LRRC4B: variants seen among roughly 807,000 people sequenced by gnomAD.
LRRC4B encodes leucine rich repeat containing 4B.
A neutral mutation model predicts 7.3 loss-of-function variants in LRRC4B; 1 was observed. The observed-to-expected ratio is 0.14, with a 90% CI of 0.05 to 0.65. The LOEUF (loss-of-function observed/expected upper bound fraction) is 0.65. Among genes scored for constraint, LRRC4B ranks in the 30% least tolerant of loss-of-function variants. LRRC4B has a pLI of 0.84. For missense variants in LRRC4B, 730 were observed against 1,041.6 expected, an observed-to-expected ratio of 0.70 and a Z score of 4.12; for synonymous variants, 500 against 499.2, an observed-to-expected ratio of 1.00 and a Z score of -0.02.
intron 1 of LRRC4B, among the ~76,000 whole-genome samples, chr19:50,564,885 C>T (rs1047807082): frequency 3.3e-5 from 5 of 151,588 alleles, no homozygotes; most frequent in Admixed American, 1.3e-4. Flanking sequence ...ACCCCCGCCC[C>T]CAATCCCCAA....
At chr19:50,527,036 A>ATT (rs35428517) in intron 2 of LRRC4B, among the ~76,000 whole-genome samples, 1 of 117,396 alleles carries the variant, frequency 8.5e-6, no homozygotes. Context: ...GTATTTTTGT[A>ATT]TTTTTTTTTT....
At chr19:50,541,132 C>T (rs185401449) in intron 2 of LRRC4B, among the ~76,000 whole-genome samples, 174 of 150,358 alleles carry the variant, frequency 1.2e-3, no homozygotes, top group African/African-American at 3.9e-3. Context: ...TGCAGTGAGC[C>T]GAGATGGCGC....
chr19:50,553,374 C>A lies in LRRC4B; in HGVS notation c.-35-4501G>T, dbSNP rs1982166055. ...GAGGACTTCAGTTTTCAGGTCTCCA[C>A]TCTCCACCCCAGCTCCTCCTCTGAC... On this transcript the variant is annotated intron_variant, in intron 1 of 2. Coordinates refer to ENST00000652263, the MANE Select transcript of LRRC4B (RefSeq NM_001080457.2). This position sits in a 1 kb window ranked among gnomAD's most constrained non-coding sequence, Gnocchi z 4.2. Among the ~76,000 whole-genome samples, 1 of 152,240 alleles carries A rather than the reference C, an allele frequency of 6.6e-6. No homozygotes were observed.
chr19:50,539,409 C>T (rs1377232646), intron 2 of LRRC4B, among the ~76,000 whole-genome samples: 1 of 152,192 alleles, frequency 6.6e-6, no homozygotes, highest in African/African-American at 2.4e-5. Context: ...ATCCTGCCCT[C>T]ACAGGAATAA....
In LRRC4B at chr19:50,564,078, C is replaced by G. The variant is rs77205241; in HGVS notation, c.-36+3866G>C. The stretch of plus-strand genomic sequence containing the variant: ...TGGAGCAGAGAGGAAGAGGAGCAAA[C>G]AGCAGAGGTTGCAAACTCCTCTGTC... On this transcript the variant is annotated intron_variant, in intron 1 of 2. Coordinates refer to ENST00000652263, the MANE Select transcript of LRRC4B (RefSeq NM_001080457.2). 7.5e-3 allele frequency among the ~76,000 whole-genome samples: 1,134 copies of G among 152,124 alleles called. 14 individuals are homozygous for G. The highest frequency in any genetic ancestry group is 0.037 in the East Asian group (192 of 5,148).
chr19:50,551,935 C>G (rs1232346444), intron 1 of LRRC4B, among the ~76,000 whole-genome samples: 3 of 151,622 alleles, frequency 2.0e-5, no homozygotes, highest in Non-Finnish European at 4.4e-5. Context: ...CTCAGCCTCC[C>G]TTCCCTGCGC....
chr19:50,531,616 CTCTT>C (rs1981063734), intron 2 of LRRC4B, among the ~76,000 whole-genome samples: 1 of 152,226 alleles, frequency 6.6e-6, no homozygotes, highest in Non-Finnish European at 1.5e-5. Context: ...AATAGGGAGT[CTCTT>C]TATTTTGAAC....
At chr19:50,528,407 C>T (rs112568385) in intron 2 of LRRC4B, among the ~76,000 whole-genome samples, 2,695 of 152,104 alleles carry the variant, frequency 0.018, 74 homozygotes, top group African/African-American at 0.06. Flanking sequence ...TGCAGTGGTG[C>T]GATCTCAGCT....
rs202028464 is a variant in LRRC4B, at chr19:50,519,293, C to T, written c.420G>A (p.Glu140=). Residue 140 remains glutamate, a synonymous_variant, in exon 3 of 3, where the codon GAG becomes GAA. Transcript: ENST00000652263. The surrounding 1 kb of genome is among the most constrained non-coding windows in gnomAD (Gnocchi z 8.1). ...CCGTGGTCAGCCGGTTGTCAAAAAG[C>T]TCCAGCGTGTTGAGGCTGGGCAGCC... ...FNGLPSLNTL[E]LFDNRLTTVP... is the part of the protein sequence containing the mutation. 10 of 1,613,996 alleles carry T rather than the reference C, an allele frequency of 6.2e-6. No homozygotes were observed. The highest frequency in any genetic ancestry group is 8.5e-6 in the Non-Finnish European group (10 of 1,180,040).
In LRRC4B at chr19:50,517,841, C is replaced by T; in HGVS notation, c.1872G>A (p.Leu624=). 1 of 1,580,834 alleles carries T rather than the reference C, an allele frequency of 6.3e-7. No homozygotes were observed. Among genetic ancestry groups the T allele is most frequent in the Non-Finnish European group, 8.6e-7 (1 of 1,168,148 alleles). Residue 624 remains leucine, a synonymous_variant, in exon 3 of 3, where the codon CTG becomes CTA. Coordinates refer to ENST00000652263, the MANE Select transcript of LRRC4B (RefSeq NM_001080457.2). The surrounding 1 kb of genome is among the most constrained non-coding windows in gnomAD (Gnocchi z 6.6). Reference sequence around the variant, plus strand: ...CCACGGACACGGCCGAGGCGGCGGGCAGCTCGTCCTCCACGTTGATGATCT... The same window carrying T: ...CCACGGACACGGCCGAGGCGGCGGGTAGCTCGTCCTCCACGTTGATGATCT... ...TVEIINVEDE[L]PAASAVSVAA...
chr19:50,533,907 G>A (rs941028524), intron 2 of LRRC4B, among the ~76,000 whole-genome samples: 6 of 152,116 alleles, frequency 3.9e-5, no homozygotes, highest in South Asian at 2.1e-4. Context: ...AAGACTCAAC[G>A]TCTCCTTCTC....
Position 50,518,248 on chromosome 19 carries a change from T to C in LRRC4B, c.1465A>G (p.Thr489Ala). 1 of 1,606,338 alleles carries C rather than the reference T, an allele frequency of 6.2e-7. No homozygotes were observed. Among genetic ancestry groups the C allele is most frequent in the Non-Finnish European group, 8.5e-7 (1 of 1,177,324 alleles). ...GTCTCCAGGGTCTCCACGGTCACCG[T>C]GGTGAAGTAGGTGTAGCCGCCACTG... ...GGSGGYTYFT[T>A]VTVETLETQP... Residue 489 changes from threonine (T) to alanine (A), a missense_variant, in exon 3 of 3, where the codon ACG becomes GCG. Transcript: ENST00000652263.
chr19:50,553,712 G>A lies in LRRC4B; in HGVS notation c.-35-4839C>T, dbSNP rs182708055. On this transcript the variant is annotated intron_variant, in intron 1 of 2. Transcript: ENST00000652263. The surrounding 1 kb of genome is among the most constrained non-coding windows in gnomAD (Gnocchi z 4.2). ...CCGTGCGCTTGAAGGCAAGTTTCCC[G>A]AGGGCAGTCAGTTTGTGACTATTTG... Among the ~76,000 whole-genome samples the A allele has an allele frequency of 2.0e-5, 3 of 152,148 alleles. No homozygotes were observed. Among genetic ancestry groups the A allele is most frequent in the Non-Finnish European group, 4.4e-5 (3 of 68,040 alleles).
At chr19:50,565,629 C>A (rs73064306) in intron 1 of LRRC4B, among the ~76,000 whole-genome samples, 47,416 of 151,698 alleles carry the variant, frequency 0.31, 8,170 homozygotes, top group Non-Finnish European at 0.4. Flanking sequence ...CTCTCTGTCG[C>A]TGACTTGCTG....
intron 2 of LRRC4B, among the ~76,000 whole-genome samples, chr19:50,547,707 C>G (rs564209714): frequency 1.3e-5 from 2 of 150,010 alleles, no homozygotes; most frequent in South Asian, 2.2e-4. Context: ...CAGAGCCCCC[C>G]ACCCTGCCCG....
Position 50,568,347 on chromosome 19 carries a change from A to G in LRRC4B, c.-439T>C, listed in dbSNP as rs532131565. Reference sequence around the variant, plus strand: ...CTCTCCCCCCACCCCACCCCCCCCCAGGCCCCGGCCCCGGCCCCGGCCCCC... The same window carrying G: ...CTCTCCCCCCACCCCACCCCCCCCCGGGCCCCGGCCCCGGCCCCGGCCCCC... On this transcript the variant is annotated 5_prime_UTR_variant, in exon 1 of 3. Transcript: ENST00000652263. Among the ~76,000 whole-genome samples the G allele has an allele frequency of 0.081, 1,494 of 18,340 alleles. 19 individuals are homozygous for G. The highest frequency in any genetic ancestry group is 0.2 in the African/African-American group (1,344 of 6,870). 12.0% of individuals were successfully genotyped at this position (18,340 alleles called of 152,430 possible).
intron 2 of LRRC4B, among the ~76,000 whole-genome samples, chr19:50,546,991 G>C (rs984607897): frequency 1.3e-5 from 2 of 152,256 alleles, no homozygotes; most frequent in Non-Finnish European, 2.9e-5. Flanking sequence ...GACAGGGCTT[G>C]GTGCAGAGCC....
intron 2 of LRRC4B, among the ~76,000 whole-genome samples, chr19:50,541,136 A>T (rs1205460816): frequency 1.3e-5 from 2 of 151,520 alleles, no homozygotes; most frequent in African/African-American, 4.9e-5. Context: ...GTGAGCCGAG[A>T]TGGCGCTACT....
chr19:50,566,722 G>A (rs1982641515), intron 1 of LRRC4B, among the ~76,000 whole-genome samples: 1 of 151,414 alleles, frequency 6.6e-6, no homozygotes, highest in Admixed American at 6.6e-5. Flanking sequence ...TTGATGGTGA[G>A]TTGGAAGGAG....
Sources: gnomAD v4.1 joint callset for allele counts (sites outside exome capture counted in the v4.1 genomes callset) on GRCh38, gnomAD v4.1.1 for gene constraint, Gnocchi (gnomAD v3.1) non-coding constraint, MANE v1.5 for transcripts, NCBI Gene and HGNC (gene_info 2026-07-23, HGNC 2026-07-21) for gene names.